The following OPCML variants were observed in gnomAD, a reference collection of about 807,000 sequenced individuals.
OPCML encodes opioid binding protein/cell adhesion molecule like, also known as opioid-binding protein/cell adhesion molecule.
In OPCML, 13 loss-of-function variants were observed where a neutral mutation model predicts 37.8. The ratio of observed to expected loss-of-function variants is 0.34; its 90% CI spans 0.22 to 0.55. The LOEUF is 0.55. Ranked by LOEUF, OPCML falls within the 20% of genes least tolerant of loss-of-function variation. The pLI, the probability that OPCML is intolerant of heterozygous loss-of-function variation, is 0.91. For missense variants in OPCML, 341 were observed against 435.6 expected, an observed-to-expected ratio of 0.78 and a Z score of 1.93; for synonymous variants, 176 against 168.8, an observed-to-expected ratio of 1.04 and a Z score of -0.33.
intron 1 of OPCML, among the ~76,000 whole-genome samples, chr11:133,240,221 A>C (rs1940675149): frequency 6.6e-6 from 1 of 151,222 alleles, no homozygotes; most frequent in Non-Finnish European, 1.5e-5. Flanking sequence ...GCAAAAAAAA[A>C]AAAAAAAAAA....
At chr11:133,396,114 C>T (rs755293176) in intron 1 of OPCML, among the ~76,000 whole-genome samples, 4 of 151,648 alleles carry the variant, frequency 2.6e-5, no homozygotes, top group Non-Finnish European at 4.4e-5. Context: ...TGGTTAATTC[C>T]TAGGTATTTA....
At chr11:132,586,778 A>G (rs1180175302) in intron 3 of OPCML, among the ~76,000 whole-genome samples, 1 of 152,174 alleles carries the variant, frequency 6.6e-6, no homozygotes, top group Non-Finnish European at 1.5e-5. Flanking sequence ...CAGAGAAGGA[A>G]TGAACCCTGC....
intron 1 of OPCML, chr11:133,065,014 G>A (rs1233710334): frequency 1.3e-5 from 2 of 152,540 alleles, no homozygotes; most frequent in East Asian, 3.9e-4. Flanking sequence ...GGGGTGAGTG[G>A]AAGAAACGGT....
chr11:132,889,279 C>T (rs763423353), intron 2 of OPCML, among the ~76,000 whole-genome samples: 2 of 152,196 alleles, frequency 1.3e-5, no homozygotes, highest in Non-Finnish European at 2.9e-5. Context: ...CCCCTTACAT[C>T]CTCCTACCAA....
At chr11:133,193,551 C>G (rs1008922472) in intron 1 of OPCML, among the ~76,000 whole-genome samples, 1 of 152,120 alleles carries the variant, frequency 6.6e-6, no homozygotes, top group South Asian at 2.1e-4. Flanking sequence ...GAAATGAAAA[C>G]CACTAATGGG....
At chr11:133,089,704 C>T (rs994311096) in intron 1 of OPCML, among the ~76,000 whole-genome samples, 12 of 151,660 alleles carry the variant, frequency 7.9e-5, no homozygotes, top group Admixed American at 2.0e-4. Flanking sequence ...AAATGGGATA[C>T]ATTTGGAACT....
chr11:132,955,111 C>T (rs73026229), intron 1 of OPCML, among the ~76,000 whole-genome samples: 5,242 of 152,206 alleles, frequency 0.034, 121 homozygotes, highest in Middle Eastern at 0.061. Context: ...AAAACAAATG[C>T]GGTCCAGGGT....
At chr11:132,631,301 C>T (rs1406241660) in intron 3 of OPCML, among the ~76,000 whole-genome samples, 1 of 148,728 alleles carries the variant, frequency 6.7e-6, no homozygotes, top group South Asian at 2.1e-4. Flanking sequence ...AATTTTATCT[C>T]AGTAAAATAA....
intron 2 of OPCML, among the ~76,000 whole-genome samples, chr11:132,820,777 C>T (rs922872929): frequency 3.9e-5 from 6 of 152,184 alleles, no homozygotes; most frequent in Non-Finnish European, 7.3e-5. Flanking sequence ...CCCCAAACCA[C>T]AGTCTAAGAG....
chr11:133,189,606 T>C (rs1380233389), intron 1 of OPCML, among the ~76,000 whole-genome samples: 1 of 152,198 alleles, frequency 6.6e-6, no homozygotes, highest in Non-Finnish European at 1.5e-5. Flanking sequence ...CAGGAGATCC[T>C]AGCATATCAG....
chr11:132,862,736 G>A (rs1409072469), intron 2 of OPCML, among the ~76,000 whole-genome samples: 3 of 152,120 alleles, frequency 2.0e-5, no homozygotes, highest in Admixed American at 6.6e-5. Context: ...CCTGGTCTGC[G>A]CTAGCCTTCC....
At chr11:132,596,084 C>T (rs903215740) in intron 3 of OPCML, among the ~76,000 whole-genome samples, 4 of 152,162 alleles carry the variant, frequency 2.6e-5, no homozygotes, top group African/African-American at 9.7e-5. Flanking sequence ...GCAATTCAAC[C>T]TCCCAGAGAT....
intron 3 of OPCML, among the ~76,000 whole-genome samples, chr11:132,581,840 A>G (rs934803315): frequency 6.6e-6 from 1 of 152,014 alleles, no homozygotes; most frequent in Non-Finnish European, 1.5e-5. Flanking sequence ...CGGAAGCCCC[A>G]GTGTATTATC....
Position 132,768,191 on chromosome 11 carries a change from G to A in OPCML, c.147-110872C>T, listed in dbSNP as rs1443948592. 3.9e-5 allele frequency among the ~76,000 whole-genome samples: 6 copies of A among 152,154 alleles called. No homozygotes were observed. In the East Asian group the frequency reaches 5.8e-4, roughly 15 times the overall value. The stretch of plus-strand genomic sequence containing the variant: ...TACCTGCTTATTCTATTGGAGACGC[G>A]TAAAGGGCTTCTATTCATTGTTCTG... On this transcript the variant is annotated intron_variant, in intron 2 of 7. Coordinates refer to ENST00000524381, the MANE Select transcript of OPCML (RefSeq NM_001012393.5).
chr11:132,724,157 G>T (rs2135987950), intron 2 of OPCML, among the ~76,000 whole-genome samples: 1 of 152,060 alleles, frequency 6.6e-6, no homozygotes, highest in Middle Eastern at 3.4e-3. Context: ...TCCAGGAATG[G>T]GACAGAACCC....
At chr11:133,073,269 C>T (rs1470222731) in intron 1 of OPCML, among the ~76,000 whole-genome samples, 1 of 152,220 alleles carries the variant, frequency 6.6e-6, no homozygotes, top group Non-Finnish European at 1.5e-5. Context: ...AAGGTGCAGC[C>T]CAGGTGAGGG....
intron 4 of OPCML, among the ~76,000 whole-genome samples, chr11:132,519,323 T>G (rs150348098): frequency 2.6e-5 from 4 of 152,158 alleles, no homozygotes; most frequent in Non-Finnish European, 5.9e-5. Flanking sequence ...CAGTGTTAGG[T>G]TAGCACTCCG....
intron 1 of OPCML, among the ~76,000 whole-genome samples, chr11:133,232,457 T>C (rs1021083130): frequency 6.6e-6 from 1 of 152,172 alleles, no homozygotes; most frequent in African/African-American, 2.4e-5. Context: ...ATGGAAACAA[T>C]GTGCAAAGTG....
chr11:133,177,500 C>T lies in OPCML; in HGVS notation c.62-234490G>A, dbSNP rs1937623540. On this transcript the variant is annotated intron_variant, in intron 1 of 7. Transcript: ENST00000524381. This position sits in a 1 kb window ranked among gnomAD's most constrained non-coding sequence, Gnocchi z 5.0. Reference sequence around the variant, plus strand: ...AACAAATAAACAAATCAAAATCCTGCTTCCTGATGGACAGGAAAGACTGCA... The same window carrying T: ...AACAAATAAACAAATCAAAATCCTGTTTCCTGATGGACAGGAAAGACTGCA... Among the ~76,000 whole-genome samples the T allele has an allele frequency of 6.6e-6, 1 of 152,202 alleles. No individual in the cohort carries two copies. Among genetic ancestry groups the T allele is most frequent in the Admixed American group, 6.5e-5 (1 of 15,282 alleles).
Sources: gnomAD v4.1 joint callset for allele counts (sites outside exome capture counted in the v4.1 genomes callset) on GRCh38, gnomAD v4.1.1 for gene constraint, Gnocchi (gnomAD v3.1) non-coding constraint, MANE v1.5 for transcripts, NCBI Gene and HGNC (gene_info 2026-07-23, HGNC 2026-07-21) for gene names.